Variants in ROBO2 observed in about 807,000 individuals in gnomAD.
ROBO2 encodes the protein roundabout guidance receptor 2, also known as roundabout homolog 2.
Under a neutral mutation model 160.8 loss-of-function variants are expected in ROBO2, and 53 were observed. The observed-to-expected ratio is 0.33, with a 90% CI of 0.26 to 0.41. The LOEUF (loss-of-function observed/expected upper bound fraction) is 0.41. Among genes scored for constraint, ROBO2 ranks in the 10% least tolerant of loss-of-function variants. The pLI is 1.00. For synonymous variants in ROBO2, 664 were observed against 611.7 expected, an observed-to-expected ratio of 1.09 and a Z score of -1.26; for missense variants, 1,577 against 1,722.4, an observed-to-expected ratio of 0.92 and a Z score of 1.49.
At chr3:76,991,063 C>T (rs2060639741) in intron 2 of ROBO2, among the ~76,000 whole-genome samples, 1 of 152,154 alleles carries the variant, frequency 6.6e-6, no homozygotes, top group Non-Finnish European at 1.5e-5. Flanking sequence ...ACTTGGCCCT[C>T]TTCCAAGTGT....
Position 77,570,567 on chromosome 3 carries a change from G to A in ROBO2, c.1971+2133G>A, listed in dbSNP as rs116822489. On this transcript the variant is annotated intron_variant, in intron 13 of 25. Transcript: ENST00000461745. ...TTTTTTTAATAGAAGAAAGAATTCA[G>A]TTAATATCACGGCATATTGTTCTCT... 6.5e-3 allele frequency among the ~76,000 whole-genome samples: 985 copies of A among 152,020 alleles called. 9 individuals are homozygous for A. The highest frequency in any genetic ancestry group is 0.022 in the African/African-American group (929 of 41,486).
intron 2 of ROBO2, among the ~76,000 whole-genome samples, chr3:76,624,956 T>G (rs563830226): frequency 6.6e-6 from 1 of 151,200 alleles, no homozygotes; most frequent in Admixed American, 6.6e-5. Flanking sequence ...TATTTGGGGG[T>G]TTAGCCATGC....
chr3:77,142,905 A>C (rs1560099665), intron 2 of ROBO2, among the ~76,000 whole-genome samples: 1 of 152,100 alleles, frequency 6.6e-6, no homozygotes, highest in African/African-American at 2.4e-5. Flanking sequence ...GTGAAAAGAG[A>C]AGTGTGTTTC....
intron 2 of ROBO2, among the ~76,000 whole-genome samples, chr3:76,500,437 A>T (rs1039101625): frequency 1.3e-5 from 2 of 152,200 alleles, no homozygotes; most frequent in African/African-American, 4.8e-5. Context: ...AAAGGAAAAT[A>T]TGGAATGTAA....
intron 1 of ROBO2, among the ~76,000 whole-genome samples, chr3:77,093,973 A>T (rs1399540213): frequency 2.6e-5 from 4 of 152,212 alleles, no homozygotes; most frequent in Non-Finnish European, 4.4e-5. Context: ...TCAAATTTTT[A>T]AAAATTGCTG....
At chr3:75,923,615 G>A (rs529029096) in intron 1 of ROBO2, among the ~76,000 whole-genome samples, 37 of 152,268 alleles carry the variant, frequency 2.4e-4, no homozygotes, top group African/African-American at 7.0e-4. Flanking sequence ...GTAAAGTAGC[G>A]TACAATCAAG....
intron 2 of ROBO2, among the ~76,000 whole-genome samples, chr3:76,784,797 T>C (rs1380854736): frequency 6.6e-6 from 1 of 151,230 alleles, no homozygotes; most frequent in Admixed American, 6.6e-5. Flanking sequence ...CCTTTCTTTT[T>C]GTTCCTAGTT....
intron 2 of ROBO2, among the ~76,000 whole-genome samples, chr3:76,565,498 G>A (rs545764282): frequency 1.1e-4 from 17 of 152,064 alleles, no homozygotes; most frequent in Non-Finnish European, 1.8e-4. Context: ...ACTGTCTGTC[G>A]TACCTATCTG....
At chr3:76,626,753 C>G (rs909757147) in intron 2 of ROBO2, among the ~76,000 whole-genome samples, 1 of 151,752 alleles carries the variant, frequency 6.6e-6, no homozygotes, top group Admixed American at 6.6e-5. Context: ...AGTGCAGTGG[C>G]GTGATCTCTG....
At chr3:77,091,670 G>T (rs1469626082) in intron 1 of ROBO2, among the ~76,000 whole-genome samples, 3 of 151,988 alleles carry the variant, frequency 2.0e-5, no homozygotes, top group Non-Finnish European at 4.4e-5. Context: ...GATGCACCTT[G>T]TTCACTATGG....
chr3:77,549,210 A>T (rs545905886), intron 7 of ROBO2, among the ~76,000 whole-genome samples: 1 of 152,112 alleles, frequency 6.6e-6, no homozygotes, highest in South Asian at 2.1e-4. Context: ...ATCATTTAGA[A>T]GGTGGACTGA....
chr3:76,107,060 A>T (rs1036541302), intron 2 of ROBO2, among the ~76,000 whole-genome samples: 5 of 152,156 alleles, frequency 3.3e-5, no homozygotes, highest in African/African-American at 1.2e-4. Flanking sequence ...ATATTAGTCA[A>T]TGGAAAACTT....
intron 21 of ROBO2, among the ~76,000 whole-genome samples, chr3:77,609,387 A>G (rs2094582879): frequency 6.6e-6 from 1 of 152,256 alleles, no homozygotes; most frequent in South Asian, 2.1e-4. Context: ...CAAGAGATTA[A>G]TACAGAGCTT....
At chr3:77,188,341 G>A (rs35436026) in intron 2 of ROBO2, among the ~76,000 whole-genome samples, 29,657 of 151,548 alleles carry the variant, frequency 0.2, 3,325 homozygotes, top group Middle Eastern at 0.3. Context: ...GTCAAACAGA[G>A]CTACCTTTAC....
At chr3:76,066,285 T>A (rs1266658538) in intron 2 of ROBO2, among the ~76,000 whole-genome samples, 1 of 152,112 alleles carries the variant, frequency 6.6e-6, no homozygotes, top group Non-Finnish European at 1.5e-5. Context: ...ATCAGAATGA[T>A]TAGTCAGCAT....
intron 2 of ROBO2, among the ~76,000 whole-genome samples, chr3:76,419,463 T>C (rs1175680108): frequency 1.3e-5 from 2 of 152,070 alleles, no homozygotes; most frequent in African/African-American, 4.8e-5. Flanking sequence ...AAATTTAACC[T>C]GGGCTCCAGT....
At chr3:76,807,778 G>A (rs1368077395) in intron 2 of ROBO2, among the ~76,000 whole-genome samples, 3 of 152,032 alleles carry the variant, frequency 2.0e-5, no homozygotes, top group Non-Finnish European at 4.4e-5. Context: ...GTATTCTAAA[G>A]AGATGTTGAC....
At chr3:76,009,392 C>G (rs1301313311) in intron 2 of ROBO2, among the ~76,000 whole-genome samples, 1 of 152,150 alleles carries the variant, frequency 6.6e-6, no homozygotes, top group Non-Finnish European at 1.5e-5. Flanking sequence ...CGTAAGCCAC[C>G]GCGCCTGGCT....
At chr3:76,523,643 C>G (rs1361441019) in intron 2 of ROBO2, among the ~76,000 whole-genome samples, 2 of 152,116 alleles carry the variant, frequency 1.3e-5, no homozygotes, top group East Asian at 3.8e-4. Flanking sequence ...CTCTCATTAT[C>G]TCACATTTCT....
Sources: gnomAD v4.1 joint callset for allele counts (sites outside exome capture counted in the v4.1 genomes callset) on GRCh38, gnomAD v4.1.1 for gene constraint, MANE v1.5 for transcripts, NCBI Gene and HGNC (gene_info 2026-07-23, HGNC 2026-07-21) for gene names.